SPATA3: variants seen among roughly 807,000 people sequenced by gnomAD.
SPATA3 encodes spermatogenesis-associated protein 3.
A neutral mutation model predicts 5.7 loss-of-function variants in SPATA3; 6 were observed. That is an observed-to-expected ratio of 1.06 (90% CI 0.58 to 2.09). The LOEUF is 2.09. Among genes scored for constraint, SPATA3 ranks in the 30% most tolerant of loss-of-function variants. SPATA3 has a pLI of 0.00. For missense variants in SPATA3, 155 were observed against 130.4 expected (o/e 1.19, Z -0.92); for synonymous variants, 44 against 48.4 (o/e 0.91, Z 0.37).
At chr2:231,008,438 A>G (rs570154491), downstream of SPATA3, among the ~76,000 whole-genome samples, 1 of 152,298 alleles carries the variant, frequency 6.6e-6, no homozygotes, top group South Asian at 2.1e-4. Context: ...TCTAAGAATT[A>G]GTTAGACCGG....
intron 1 of SPATA3, 47 bp from the exon 2 acceptor site, chr2:231,000,319 C>A (rs774899817): frequency 2.1e-6 from 3 of 1,398,428 alleles, no homozygotes; most frequent in African/African-American, 1.5e-5. Context: ...CCGCCCCAGC[C>A]TCCCAGGGCA....
intron 6 of SPATA3, among the ~76,000 whole-genome samples, chr2:231,015,407 G>A (rs768675205): frequency 5.9e-5 from 9 of 152,052 alleles, no homozygotes; most frequent in Non-Finnish European, 8.8e-5. Flanking sequence ...GAATGCCAAC[G>A]CAGGGAATTA....
chr2:230,998,013 G>A (rs182009620), intron 1 of SPATA3, among the ~76,000 whole-genome samples: 95 of 152,268 alleles, frequency 6.2e-4, no homozygotes, highest in Middle Eastern at 6.8e-3. Context: ...ACTCTATTCT[G>A]ACTCCAGAAC....
At chr2:231,017,895 G>A (rs1386208828) in intron 6 of SPATA3, among the ~76,000 whole-genome samples, 1 of 151,730 alleles carries the variant, frequency 6.6e-6, no homozygotes, top group Non-Finnish European at 1.5e-5. Context: ...GAGATTAGAA[G>A]TTCTGACACT....
downstream of SPATA3, among the ~76,000 whole-genome samples, chr2:231,005,151 CCATCACCATCACCAT>C (rs1574664289): frequency 8.9e-5 from 6 of 67,694 alleles, no homozygotes; most frequent in East Asian, 5.6e-4. Context: ...ACCACCATCA[CCATCACCATCACCAT>C]CATCACCATC....
chr2:231,009,751 G>C (rs979864462), downstream of SPATA3, among the ~76,000 whole-genome samples: 1 of 152,218 alleles, frequency 6.6e-6, no homozygotes, highest in Non-Finnish European at 1.5e-5. Context: ...TTAGGTCCTG[G>C]AGGCAGAGAG....
intron 6 of SPATA3, among the ~76,000 whole-genome samples, chr2:231,018,920 A>G (rs1190347274): frequency 6.6e-6 from 1 of 150,440 alleles, no homozygotes; most frequent in African/African-American, 2.5e-5. Flanking sequence ...TCCTGACCTC[A>G]GGTGATCCAC....
In SPATA3 at chr2:231,015,222, C is replaced by T. The variant is rs572744406; in HGVS notation, c.*565+1010C>T. 3.3e-5 allele frequency among the ~76,000 whole-genome samples: 5 copies of T among 151,172 alleles called. No homozygotes were observed. In the East Asian group the frequency reaches 9.7e-4, roughly 29 times the overall value. On this transcript the variant is annotated intron_variant, in intron 6 of 8. Transcript: ENST00000452881. Reference sequence around the variant, plus strand: ...CCACCTGAGTGGCTGGGACTATCAGCGCCCGCCACCACACCCAGCTAACTA... The same window carrying T: ...CCACCTGAGTGGCTGGGACTATCAGTGCCCGCCACCACACCCAGCTAACTA...
At chr2:231,011,085 A>AAAAAG (rs1188409170), downstream of SPATA3, among the ~76,000 whole-genome samples, 9 of 146,174 alleles carry the variant, frequency 6.2e-5, no homozygotes, top group African/African-American at 2.1e-4. Flanking sequence ...AAAAAAAAAA[A>AAAAAG]AAAAGAAAAG....
chr2:231,007,332 T>C (rs1692665738), downstream of SPATA3: 2 of 152,166 alleles, frequency 1.3e-5, no homozygotes, highest in South Asian at 2.1e-4. Flanking sequence ...AAGTTGGACT[T>C]GGCAAATGAC....
chr2:231,002,839 G>C (rs559869503), downstream of SPATA3: 1 of 1,217,908 alleles, frequency 8.2e-7, no homozygotes, highest in African/African-American at 1.6e-5. Context: ...TATGTTGAGC[G>C]CTCTGTCCCT....
chr2:231,000,521 C>T, exon 2 of SPATA3: 1 of 1,538,536 alleles, frequency 6.5e-7, no homozygotes, highest in Non-Finnish European at 8.8e-7. Context: ...ACTCCCCAAC[C>T]TGCTCACCTT....
downstream of SPATA3, among the ~76,000 whole-genome samples, chr2:231,003,615 C>CT (rs1692435004): frequency 6.6e-6 from 1 of 152,132 alleles, no homozygotes; most frequent in African/African-American, 2.4e-5. Flanking sequence ...TGCTTTGGCT[C>CT]TGAGTGTTGG....
chr2:231,016,997 C>T (rs528376776), intron 6 of SPATA3, among the ~76,000 whole-genome samples: 2 of 152,324 alleles, frequency 1.3e-5, no homozygotes, highest in African/African-American at 4.8e-5. Flanking sequence ...TTTCCCACTT[C>T]TCAAAGAAAT....
downstream of SPATA3, among the ~76,000 whole-genome samples, chr2:231,010,896 C>G (rs1338982360): frequency 3.6e-5 from 5 of 139,486 alleles, no homozygotes. Flanking sequence ...GGCGAAAACT[C>G]ATATTTTGTA....
chr2:231,015,433 G>A (rs916406518), intron 6 of SPATA3, among the ~76,000 whole-genome samples: 1 of 152,130 alleles, frequency 6.6e-6, no homozygotes, highest in Non-Finnish European at 1.5e-5. Flanking sequence ...GGTGTGGGTG[G>A]TGAGGCATAG....
At chr2:231,005,743 T>A (rs1692602071), downstream of SPATA3, among the ~76,000 whole-genome samples, 1 of 152,092 alleles carries the variant, frequency 6.6e-6, no homozygotes, top group African/African-American at 2.4e-5. Flanking sequence ...ACCATCACCC[T>A]TGGAGGTAGT....
chr2:231,019,173 G>A (rs576442853), intron 6 of SPATA3, among the ~76,000 whole-genome samples: 1 of 150,400 alleles, frequency 6.6e-6, no homozygotes, highest in Admixed American at 6.6e-5. Flanking sequence ...GTTTCACCAT[G>A]TTAGCCAGGA....
chr2:231,009,129 G>T (rs1692715113), downstream of SPATA3, among the ~76,000 whole-genome samples: 1 of 152,204 alleles, frequency 6.6e-6, no homozygotes, highest in South Asian at 2.1e-4. Flanking sequence ...GGAAGAAAAT[G>T]ATTCTCCAAC....
Sources: allele counts gnomAD v4.1 joint callset (sites outside exome capture counted in the v4.1 genomes callset), GRCh38; gene constraint gnomAD v4.1.1; transcripts MANE v1.5; gene names NCBI Gene and HGNC (gene_info 2026-07-23, HGNC 2026-07-21).